PSG7: variants seen among roughly 807,000 people sequenced by gnomAD.
The protein encoded by PSG7 is pregnancy-specific beta-1-glycoprotein 7.
A neutral mutation model predicts 45.6 loss-of-function variants in PSG7; 57 were observed. That is an observed-to-expected ratio of 1.25 (90% CI 1.01 to 1.56). The LOEUF is 1.56. PSG7 is among the 40% of genes most tolerant of loss of function. The pLI is 0.00. For synonymous variants in PSG7, 298 were observed against 194.4 expected (o/e 1.53, Z -4.43); for missense variants, 796 against 508.4 (o/e 1.57, Z -5.44).
intron 2 of PSG7, among the ~76,000 whole-genome samples, chr19:42,930,262 G>A (rs1455595281): frequency 6.6e-5 from 10 of 151,782 alleles, no homozygotes; most frequent in South Asian, 2.1e-4. Flanking sequence ...CCAGAGTCAA[G>A]CCTGGAGGTC....
rs531896547 is a variant in PSG7 at position 42,926,025 on chromosome 19, C to T, written c.991G>A (p.Gly331Ser). 1.1e-5 allele frequency: 17 copies of T among 1,611,138 alleles called. 1 individual carries two copies. In the East Asian group the frequency reaches 2.7e-4, roughly 25 times the overall value. ...SDPVTLNVLY[G>S]PDLPRIYPSF... ...GGGTAAATTCTGGGGAGGTCTGGAC[C>T]ATCTGGAGGAAAGAGAATAAAGCCA... is the stretch of plus-strand genomic sequence containing the variant. The change falls in exon 5 of 6, where the codon GGT (glycine) becomes AGT (serine). Residue 331 changes from glycine (G) to serine (S), a missense_variant and splice_region_variant. By Grantham distance (56) the Gly-to-Ser change is moderately conservative. Coordinates refer to ENST00000406070, the MANE Select transcript of PSG7 (RefSeq NM_002783.3).
At chr19:42,934,162 A>T (rs1056498707) in intron 2 of PSG7, among the ~76,000 whole-genome samples, 5 of 151,428 alleles carry the variant, frequency 3.3e-5, no homozygotes, top group African/African-American at 1.2e-4. Context: ...TGGGAAACAC[A>T]GGATTTCAGG....
At chr19:42,934,032 T>C (rs1377254455) in intron 2 of PSG7, among the ~76,000 whole-genome samples, 1 of 151,354 alleles carries the variant, frequency 6.6e-6, no homozygotes, top group Non-Finnish European at 1.5e-5. Flanking sequence ...TTCCTTTATT[T>C]GTTATGTGAG....
intron 2 of PSG7, among the ~76,000 whole-genome samples, chr19:42,930,109 C>G (rs563417401): frequency 5.3e-5 from 8 of 151,752 alleles, no homozygotes; most frequent in African/African-American, 1.9e-4. Context: ...ACTTTGCCCC[C>G]TGTGGTATGT....
In PSG7 at chr19:42,937,176, A is replaced by T. The variant is rs557182814; in HGVS notation, c.-100T>A. 2.1e-5 allele frequency: 32 copies of T among 1,495,296 alleles called. 1 individual carries two copies. In the East Asian group the frequency reaches 2.8e-4, roughly 13 times the overall value. The allele number at this position is 1,495,296 out of a possible 1,614,324, so 92.6% of individuals were successfully genotyped here. ...GCTGTGCTGTCCTTCCTCCTTCTGCACTGAGCCTCTTCCCGGGGCAGGAGC... is the reference window on the plus strand; with the variant it reads ...GCTGTGCTGTCCTTCCTCCTTCTGCTCTGAGCCTCTTCCCGGGGCAGGAGC... On this transcript the variant is annotated 5_prime_UTR_variant, in exon 1 of 6. Transcript: ENST00000406070.
In PSG7 at chr19:42,932,370, A is replaced by G. The variant is rs146122882; in HGVS notation, c.431-2650T>C. On this transcript the variant is annotated intron_variant, in intron 2 of 5. Transcript: ENST00000406070. ...GACTTTTGAGTTTGTTCAGCGTTTT[A>G]CTTAGTGTTAGAACCGAGTGACAAA... is the stretch of plus-strand genomic sequence containing the variant. Among the ~76,000 whole-genome samples, 379 of 151,540 alleles carry G rather than the reference A, an allele frequency of 2.5e-3. 13 individuals are homozygous for G. Among genetic ancestry groups the G allele is most frequent in the African/African-American group, 7.5e-3 (311 of 41,238 alleles).
rs1354949893 is a variant in PSG7, at chr19:42,932,716, T to A, written c.430+2688A>T. On this transcript the variant is annotated intron_variant, in intron 2 of 5. Coordinates refer to ENST00000406070, the MANE Select transcript of PSG7 (RefSeq NM_002783.3). ...TGGTTTAACTTTGAAGCAAGAATGATGATAGTTCCTCCATAAAACTAACAC... is the reference window on the plus strand; with the variant it reads ...TGGTTTAACTTTGAAGCAAGAATGAAGATAGTTCCTCCATAAAACTAACAC... Among the ~76,000 whole-genome samples the A allele has an allele frequency of 4.0e-5, 6 of 151,498 alleles. No homozygotes were observed. The East Asian group carries it at 7.8e-4, about 20-fold the overall frequency.
chr19:42,930,080 T>G (rs1416555980), intron 2 of PSG7, among the ~76,000 whole-genome samples: 1 of 151,654 alleles, frequency 6.6e-6, no homozygotes, highest in Non-Finnish European at 1.5e-5. Flanking sequence ...AGTGCTGGAA[T>G]CTTCTTAGTT....
In PSG7 at chr19:42,935,597, A is replaced by G. The variant is rs782191606; in HGVS notation, c.237T>C (p.Val79=). Residue 79 remains valine (V), a synonymous_variant, in exon 2 of 6, where the codon GTT becomes GTC. Coordinates refer to ENST00000406070, the MANE Select transcript of PSG7 (RefSeq NM_002783.3). ...TTTGACCGTCTACTATATATGATGT[A>G]ACATAATGGTAGAGGTCCCTGATTT... is the stretch of plus-strand genomic sequence containing the variant. ...KGQIRDLYHY[V]TSYIVDGQII... 6.2e-7 allele frequency: 1 copy of G among 1,612,130 alleles called. No homozygotes were observed. The highest frequency in any genetic ancestry group is 8.5e-7 in the Non-Finnish European group (1 of 1,179,078).
At chr19:42,935,321 A>T (rs569543105) in intron 2 of PSG7, 83 bp downstream of exon 2, 11 of 1,541,296 alleles carry the variant, frequency 7.1e-6, no homozygotes, top group South Asian at 4.6e-5. Flanking sequence ...ACACAGGCAC[A>T]GTCCAGGCCT....
intron 2 of PSG7, among the ~76,000 whole-genome samples, chr19:42,932,025 C>G (rs1973031297): frequency 1.3e-5 from 2 of 151,240 alleles, no homozygotes; most frequent in South Asian, 2.1e-4. Flanking sequence ...ATTTCTCAAA[C>G]AGCATTTTTT....
At position 42,928,000 on chromosome 19, in the gene PSG7, C is replaced by T. The variant is rs180739201; in HGVS notation, c.710-1284G>A. ...TCTGATAGATTCAAAGTCTAAGATG[C>T]TTCAGTGAGCATTTCTTTTCAGCAT... On this transcript the variant is annotated intron_variant, in intron 3 of 5. Transcript: ENST00000406070. 4.3e-4 allele frequency among the ~76,000 whole-genome samples: 66 copies of T among 151,814 alleles called. No homozygotes were observed. The South Asian group carries it at 8.0e-3, about 18-fold the overall frequency.
Position 42,926,012 on chromosome 19 carries a change from G to C in PSG7, c.1004C>G (p.Pro335Arg). Residue 335 changes from proline (P) to arginine (R), a missense_variant, in exon 5 of 6, where the codon CCC becomes CGC. Pro to Arg is a moderately radical substitution (Grantham distance 103). Coordinates refer to ENST00000406070, the MANE Select transcript of PSG7 (RefSeq NM_002783.3). ...ATAGGTGAATGAAGGGTAAATTCTG[G>C]GGAGGTCTGGACCATCTGGAGGAAA... Reference protein sequence around the residue: ...TLNVLYGPDLPRIYPSFTYYH... With the variant: ...TLNVLYGPDLRRIYPSFTYYH... 6.2e-7 allele frequency: 1 copy of C among 1,611,966 alleles called. No homozygotes were observed. Among genetic ancestry groups the C allele is most frequent in the Non-Finnish European group, 8.5e-7 (1 of 1,179,060 alleles).
chr19:42,932,342 G>C (rs1324671067), intron 2 of PSG7, among the ~76,000 whole-genome samples: 1 of 151,514 alleles, frequency 6.6e-6, no homozygotes, highest in Non-Finnish European at 1.5e-5. Context: ...TTAACGAGTT[G>C]TTGACTTTTG....
chr19:42,925,776 A>G lies in PSG7; in HGVS notation c.1240T>C (p.Ser414Pro), dbSNP rs1270338701. 2 of 1,611,940 alleles carry G rather than the reference A, an allele frequency of 1.2e-6. No individual in the cohort carries two copies. The highest frequency in any genetic ancestry group is 1.3e-5 in the African/African-American group (1 of 74,654). ...AAGGATGCTGGGATCCACTTACCAG[A>G]GACTCTGACTGTCACGGATTTGGAG... Reference protein sequence around the residue: ...ESSKSVTVRVSDWTLP With the variant: ...ESSKSVTVRVPDWTLP Residue 414 changes from serine to proline, a missense_variant, in exon 5 of 6, where the codon TCT (serine) becomes CCT (proline). Physicochemically the swap from Ser to Pro is moderately conservative, Grantham distance 74. Coordinates refer to ENST00000406070, the MANE Select transcript of PSG7 (RefSeq NM_002783.3).
chr19:42,935,521 C>T lies in PSG7; in HGVS notation c.313G>A (p.Ala105Thr), dbSNP rs782441568. The change falls in exon 2 of 6, where the codon GCA becomes ACA. Residue 105 changes from alanine to threonine, a missense_variant. Physicochemically the swap from Ala to Thr is moderately conservative, Grantham distance 58. Transcript: ENST00000406070. Reference protein sequence around the residue: ...YSGRETVYSNASLLIQNVTQE... With the variant: ...YSGRETVYSNTSLLIQNVTQE... ...GTGACATTCTGGATCAGCAGGGATG[C>T]ATTGGAATATACTGTTTCTCGTCCA... 6.2e-7 allele frequency: 1 copy of T among 1,612,154 alleles called. No individual in the cohort carries two copies. Among genetic ancestry groups the T allele is most frequent in the African/African-American group, 1.3e-5 (1 of 74,702 alleles).
At chr19:42,926,194 C>G (rs1274309454) in intron 4 of PSG7, 167 bp from the exon 5 acceptor site, 1 of 1,405,128 alleles carries the variant, frequency 7.1e-7, no homozygotes, top group Non-Finnish European at 9.6e-7. Flanking sequence ...ACCTGTTTCT[C>G]CCATCACAAG....
intron 2 of PSG7, among the ~76,000 whole-genome samples, chr19:42,933,104 C>A (rs1302069054): frequency 6.7e-6 from 1 of 148,470 alleles, no homozygotes; most frequent in Non-Finnish European, 1.5e-5. Context: ...ACCAAACAAT[C>A]AGCAGTACTC....
rs529014255 is a variant in PSG7 at position 42,926,376 on chromosome 19, C to T, written c.988+62G>A. The T allele has an allele frequency of 1.6e-5, 25 of 1,597,658 alleles. 3 individuals are homozygous for T. The highest frequency in any genetic ancestry group is 1.3e-4 in the African/African-American group (10 of 74,274). ...GAGACTGAGAGGACTGGCCTCTGGT[C>T]GTTTGGAGTTAAGCTGGTGTCCTGG... On this transcript the variant is annotated intron_variant, in intron 4 of 5. Coordinates refer to ENST00000406070, the MANE Select transcript of PSG7 (RefSeq NM_002783.3).
Sources: gnomAD v4.1 joint callset for allele counts (sites outside exome capture counted in the v4.1 genomes callset) on GRCh38, gnomAD v4.1.1 for gene constraint, MANE v1.5 for transcripts, NCBI Gene and HGNC (gene_info 2026-07-23, HGNC 2026-07-21) for gene names.